The following GNAO1 variants were observed in gnomAD, a reference collection of about 807,000 sequenced individuals.
GNAO1 encodes the protein guanine nucleotide-binding protein G(o) subunit alpha.
For missense variants in GNAO1, 166 were observed against 478.7 expected (o/e 0.35, Z 6.10); for synonymous variants, 164 against 180.7 (o/e 0.91, Z 0.74).
At chr16:56,335,619 G>A (rs1278015524) in intron 5 of GNAO1, among the ~76,000 whole-genome samples, 2 of 152,144 alleles carry the variant, frequency 1.3e-5, no homozygotes, top group Non-Finnish European at 2.9e-5. Flanking sequence ...GAGGCTCTGG[G>A]CCCAGGAACC....
chr16:56,221,695 A>T (rs1307398297), intron 2 of GNAO1, among the ~76,000 whole-genome samples: 1 of 150,512 alleles, frequency 6.6e-6, no homozygotes, highest in East Asian at 2.0e-4. Context: ...GATGATGCAG[A>T]TGATGAAATT....
At position 56,349,060 on chromosome 16, in the gene GNAO1, G is replaced by A. The variant is rs78923695; in HGVS notation, c.724-2324G>A. Among the ~76,000 whole-genome samples, 1,002 of 152,346 alleles carry A rather than the reference G, an allele frequency of 6.6e-3. 10 individuals are homozygous for A. Among genetic ancestry groups the A allele is most frequent in the African/African-American group, 0.022 (934 of 41,578 alleles). ...CAGATGCCAGGCAGTACTGACTGGA[G>A]GAGCGAGTGTGGTGTGAGTCGTGCT... is the stretch of plus-strand genomic sequence containing the variant. On this transcript the variant is annotated intron_variant, in intron 6 of 8. Coordinates refer to ENST00000262493, the MANE Select transcript of GNAO1 (RefSeq NM_020988.3).
chr16:56,334,171 G>A (rs756975817), intron 4 of GNAO1, among the ~76,000 whole-genome samples: 35 of 152,206 alleles, frequency 2.3e-4, no homozygotes, highest in Non-Finnish European at 4.3e-4. Context: ...ATTGGAAGGG[G>A]CACACAGACC....
At chr16:56,345,190 A>G in intron 6 of GNAO1, 4 of 985,746 alleles carry the variant, frequency 4.1e-6, no homozygotes, top group Non-Finnish European at 4.8e-6. Context: ...TTGGGCAACC[A>G]ACACACCTCT....
intron 2 of GNAO1, among the ~76,000 whole-genome samples, chr16:56,259,310 C>T (rs2036881807): frequency 6.6e-6 from 1 of 152,240 alleles, no homozygotes; most frequent in African/African-American, 2.4e-5. Context: ...GCCTTGCACT[C>T]AGGAGGTGTT....
chr16:56,235,073 G>A (rs763690103), intron 2 of GNAO1: 10 of 327,822 alleles, frequency 3.1e-5, no homozygotes, highest in Admixed American at 4.1e-5. Flanking sequence ...ACACCTATTC[G>A]CTGACCAGAC....
At position 56,192,410 on chromosome 16, in the gene GNAO1, C is replaced by T. The variant is rs1596787563; in HGVS notation, c.118+57C>T. 2.9e-6 allele frequency: 3 copies of T among 1,045,386 alleles called. No homozygotes were observed. The East Asian group carries it at 8.2e-5, about 29-fold the overall frequency. The allele number at this position is 1,045,386 out of a possible 1,614,324, so 64.8% of individuals were successfully genotyped here. A position where few individuals can be genotyped will look rare whatever the true frequency, so the allele number is the denominator to read the frequency against. On this transcript the variant is annotated intron_variant, in intron 1 of 8. Coordinates refer to ENST00000262493, the MANE Select transcript of GNAO1 (RefSeq NM_020988.3). Reference sequence around the variant, plus strand: ...GACCCCGGCCACTCCGCACCCCCTGCCACCAGCTCCCCCACCCCACTCGCG... The same window carrying T: ...GACCCCGGCCACTCCGCACCCCCTGTCACCAGCTCCCCCACCCCACTCGCG...
chr16:56,229,198 GTTTT>G (rs201283667), intron 2 of GNAO1, among the ~76,000 whole-genome samples: 2 of 151,758 alleles, frequency 1.3e-5, no homozygotes, highest in Admixed American at 6.6e-5. Context: ...TGCTGTTTTT[GTTTT>G]TTTGTTTGTT....
At chr16:56,347,928 G>A in intron 6 of GNAO1, 6 of 917,442 alleles carry the variant, frequency 6.5e-6, no homozygotes, top group Non-Finnish European at 7.7e-6. Context: ...CCCTGCCCCT[G>A]CTGAGTATCT....
intron 3 of GNAO1, among the ~76,000 whole-genome samples, chr16:56,304,784 C>T (rs368363184): frequency 5.9e-5 from 9 of 152,356 alleles, no homozygotes; most frequent in East Asian, 3.9e-4. Context: ...AGAGTTTCAC[C>T]GACCAACCAC....
chr16:56,250,560 A>T (rs2036790323), intron 2 of GNAO1, among the ~76,000 whole-genome samples: 1 of 152,226 alleles, frequency 6.6e-6, no homozygotes, highest in African/African-American at 2.4e-5. Context: ...AGTATCAGTC[A>T]TCCTGCTTTC....
chr16:56,280,661 A>C (rs1182387269), intron 3 of GNAO1, among the ~76,000 whole-genome samples: 1 of 152,204 alleles, frequency 6.6e-6, no homozygotes, highest in Non-Finnish European at 1.5e-5. Context: ...ATAAGGTGCA[A>C]GGGGCTAGGT....
At chr16:56,230,421 G>A (rs2036578675) in intron 2 of GNAO1, among the ~76,000 whole-genome samples, 1 of 152,210 alleles carries the variant, frequency 6.6e-6, no homozygotes, top group Admixed American at 6.5e-5. Flanking sequence ...AGCAAACAGT[G>A]CCTCGCCTGG....
chr16:56,220,684 G>GA (rs1236635366), intron 2 of GNAO1, among the ~76,000 whole-genome samples: 3 of 152,172 alleles, frequency 2.0e-5, no homozygotes, highest in African/African-American at 7.2e-5. Context: ...AGGCCTTTAG[G>GA]AGGTGCTTAG....
At chr16:56,333,148 C>T (rs1207174248) in intron 4 of GNAO1, among the ~76,000 whole-genome samples, 1 of 151,932 alleles carries the variant, frequency 6.6e-6, no homozygotes, top group African/African-American at 2.4e-5. Flanking sequence ...AGTTTAAGAG[C>T]GTGGGGTCTG....
chr16:56,353,822 G>A (rs1354648893), intron 7 of GNAO1, among the ~76,000 whole-genome samples: 1 of 152,220 alleles, frequency 6.6e-6, no homozygotes, highest in Non-Finnish European at 1.5e-5. Flanking sequence ...AGGCACTCCT[G>A]CTGGGCTGCC....
chr16:56,217,917 C>G (rs1264266729), intron 2 of GNAO1, among the ~76,000 whole-genome samples: 3 of 152,194 alleles, frequency 2.0e-5, no homozygotes, highest in African/African-American at 7.2e-5. Flanking sequence ...AGCAAATTAA[C>G]AGCAATGCAT....
chr16:56,275,348 A>G (rs1193072768), intron 2 of GNAO1, among the ~76,000 whole-genome samples: 1 of 152,218 alleles, frequency 6.6e-6, no homozygotes, highest in East Asian at 1.9e-4. Flanking sequence ...CCCTGTTCAG[A>G]TCCACCAGAA....
intron 3 of GNAO1, among the ~76,000 whole-genome samples, chr16:56,289,240 G>A (rs74020903): frequency 0.014 from 2,143 of 152,282 alleles, 38 homozygotes; most frequent in African/African-American, 0.047. Context: ...AGTATCCAGC[G>A]CACTGGGGGG....
Sources: allele counts gnomAD v4.1 joint callset (sites outside exome capture counted in the v4.1 genomes callset), GRCh38; gene constraint gnomAD v4.1.1; transcripts MANE v1.5; gene names NCBI Gene and HGNC (gene_info 2026-07-23, HGNC 2026-07-21).